Variants in DPYD observed in about 807,000 individuals in gnomAD.
DPYD encodes dihydropyrimidine dehydrogenase [NADP(+)].
A neutral mutation model predicts 116.2 loss-of-function variants in DPYD; 109 were observed. That is an observed-to-expected ratio of 0.94 (90% CI 0.80 to 1.10). DPYD has a LOEUF of 1.10. DPYD is among the 50% of genes least tolerant of loss of function. DPYD has a pLI of 0.00. For synonymous variants in DPYD, 440 were observed against 432.0 expected, an observed-to-expected ratio of 1.02 and a Z score of -0.23; for missense variants, 1,302 against 1,254.5, an observed-to-expected ratio of 1.04 and a Z score of -0.57.
intron 19 of DPYD, among the ~76,000 whole-genome samples, chr1:97,229,568 AT>A (rs1557956280): frequency 4.4e-4 from 59 of 132,664 alleles, no homozygotes; most frequent in Middle Eastern, 7.6e-3. Context: ...ATATATATAT[AT>A]ATATATATAT....
chr1:97,606,395 T>C (rs1186581926), intron 8 of DPYD, among the ~76,000 whole-genome samples: 2 of 152,068 alleles, frequency 1.3e-5, no homozygotes, highest in Admixed American at 6.6e-5. Context: ...GAAGGATGCA[T>C]AGGTTACCAC....
chr1:97,458,142 GT>G (rs1176999939), intron 13 of DPYD, among the ~76,000 whole-genome samples: 1 of 152,124 alleles, frequency 6.6e-6, no homozygotes, highest in African/African-American at 2.4e-5. Flanking sequence ...GCATGAGTCA[GT>G]TTTAACAATT....
intron 20 of DPYD, among the ~76,000 whole-genome samples, chr1:97,131,136 A>C (rs1277053149): frequency 6.6e-6 from 1 of 152,080 alleles, no homozygotes; most frequent in African/African-American, 2.4e-5. Flanking sequence ...CAAAGCACTA[A>C]AATATATCAA....
intron 8 of DPYD, among the ~76,000 whole-genome samples, chr1:97,673,842 C>A (rs550283677): frequency 6.6e-6 from 1 of 152,136 alleles, no homozygotes; most frequent in East Asian, 1.9e-4. Context: ...AAGTCAAGAA[C>A]ACAAATATGA....
intron 16 of DPYD, among the ~76,000 whole-genome samples, chr1:97,360,672 A>G (rs1275282874): frequency 1.3e-5 from 2 of 152,186 alleles, no homozygotes; most frequent in Non-Finnish European, 2.9e-5. Context: ...GCACAACTAC[A>G]TGGAAACTGA....
In DPYD at chr1:97,699,331, GAAAT is replaced by G; in HGVS notation, c.680+16_680+19del. 6.2e-7 allele frequency: 1 copy of G among 1,606,920 alleles called. No individual in the cohort carries two copies. The highest frequency in any genetic ancestry group is 8.5e-7 in the Non-Finnish European group (1 of 1,173,754). On this transcript the variant is annotated intron_variant, in intron 6 of 22. Transcript: ENST00000370192. ...CCATCATTTCTGACACTATAAACAT[GAAAT>G]AAATGTAGGCATTACCTTAAACCAC... is the stretch of plus-strand genomic sequence containing the variant.
chr1:97,086,520 G>A (rs1004253350), intron 21 of DPYD, among the ~76,000 whole-genome samples: 4 of 152,090 alleles, frequency 2.6e-5, no homozygotes, highest in African/African-American at 9.7e-5. Context: ...ATAGCTGATG[G>A]AAGTATTTTC....
At chr1:97,350,492 T>C (rs769753883) in intron 16 of DPYD, among the ~76,000 whole-genome samples, 1 of 152,132 alleles carries the variant, frequency 6.6e-6, no homozygotes, top group Non-Finnish European at 1.5e-5. Flanking sequence ...TAGGCAGCCA[T>C]CCCATTTGAC....
intron 20 of DPYD, among the ~76,000 whole-genome samples, chr1:97,170,661 A>AT (rs1656657631): frequency 2.0e-5 from 3 of 150,574 alleles, no homozygotes; most frequent in Non-Finnish European, 4.4e-5. Flanking sequence ...TATCTTAAAT[A>AT]CTTTCTTCTT....
At chr1:97,350,723 G>T (rs1670094496) in intron 16 of DPYD, among the ~76,000 whole-genome samples, 1 of 152,074 alleles carries the variant, frequency 6.6e-6, no homozygotes, top group East Asian at 1.9e-4. Flanking sequence ...GTTGTTCAGG[G>T]TTGTTTTACA....
chr1:97,295,804 T>C (rs1570453982), intron 18 of DPYD: 1 of 969,372 alleles, frequency 1.0e-6, no homozygotes, highest in East Asian at 1.1e-4. Flanking sequence ...AAAACCAAGG[T>C]ATTGCTTAGT....
At chr1:97,605,771 G>C (rs1370695018) in intron 8 of DPYD, among the ~76,000 whole-genome samples, 1 of 151,968 alleles carries the variant, frequency 6.6e-6, no homozygotes, top group Non-Finnish European at 1.5e-5. Flanking sequence ...TAATTGCTTA[G>C]CATACTGACT....
rs563687187 is a variant in DPYD, at chr1:97,106,851, T to C, written c.2623-8219A>G. 1.7e-4 allele frequency among the ~76,000 whole-genome samples: 26 copies of C among 152,268 alleles called. No homozygotes were observed. In the South Asian group the frequency reaches 4.4e-3, roughly 26 times the overall value. On this transcript the variant is annotated intron_variant, in intron 20 of 22. Coordinates refer to ENST00000370192, the MANE Select transcript of DPYD (RefSeq NM_000110.4). ...ACCTATATATAACCAATGGGTTACATACAGATATAACCTATAACCTGTTGG... is the reference window on the plus strand; with the variant it reads ...ACCTATATATAACCAATGGGTTACACACAGATATAACCTATAACCTGTTGG...
intron 20 of DPYD, among the ~76,000 whole-genome samples, chr1:97,153,722 TG>T (rs1385779581): frequency 6.6e-5 from 10 of 151,946 alleles, no homozygotes; most frequent in Admixed American, 6.6e-5. Flanking sequence ...ACCCACAGAA[TG>T]GGAGAAAATC....
At chr1:97,898,979 C>A (rs1215089911) in intron 1 of DPYD, among the ~76,000 whole-genome samples, 2 of 151,800 alleles carry the variant, frequency 1.3e-5, no homozygotes, top group Non-Finnish European at 2.9e-5. Flanking sequence ...TAATCAGCAG[C>A]GTGAGAACAG....
chr1:97,229,219 AG>A (rs1450690939), intron 19 of DPYD, among the ~76,000 whole-genome samples: 56 of 117,538 alleles, frequency 4.8e-4, no homozygotes, highest in Non-Finnish European at 7.7e-4. Flanking sequence ...AAAAAAAAAA[AG>A]AAAAAAAAAA....
intron 13 of DPYD, among the ~76,000 whole-genome samples, chr1:97,464,776 C>G (rs185806733): frequency 6.6e-6 from 1 of 152,106 alleles, no homozygotes; most frequent in Non-Finnish European, 1.5e-5. Flanking sequence ...GCTGCAGGGA[C>G]GGGACCCTCA....
chr1:97,165,122 G>A (rs936603339), intron 20 of DPYD, among the ~76,000 whole-genome samples: 2 of 151,972 alleles, frequency 1.3e-5, no homozygotes, highest in African/African-American at 4.8e-5. Flanking sequence ...ATTAGCCAAG[G>A]CAATCCTAAG....
At chr1:97,364,960 C>A (rs1038930931) in intron 16 of DPYD, among the ~76,000 whole-genome samples, 2 of 152,278 alleles carry the variant, frequency 1.3e-5, no homozygotes, top group East Asian at 3.9e-4. Flanking sequence ...AGACTGACTA[C>A]CTCAGCAGGA....
Sources: allele counts gnomAD v4.1 joint callset (sites outside exome capture counted in the v4.1 genomes callset), GRCh38; gene constraint gnomAD v4.1.1; transcripts MANE v1.5; gene names NCBI Gene and HGNC (gene_info 2026-07-23, HGNC 2026-07-21).